The following ELMO1 variants were observed in gnomAD, a reference collection of about 807,000 sequenced individuals.
The protein encoded by ELMO1 is engulfment and cell motility 1.
ELMO1 carries 26 observed loss-of-function variants against 98.9 expected under a neutral mutation model. The ratio of observed to expected loss-of-function variants is 0.26; its 90% CI spans 0.19 to 0.36. The LOEUF (loss-of-function observed/expected upper bound fraction) is 0.36. Among genes scored for constraint, ELMO1 ranks in the 10% least tolerant of loss-of-function variants. ELMO1 has a pLI of 1.00. For synonymous variants in ELMO1, 346 were observed against 346.0 expected, an observed-to-expected ratio of 1.00 and a Z score of 0.00; for missense variants, 627 against 935.2, an observed-to-expected ratio of 0.67 and a Z score of 4.30.
At chr7:37,109,049 C>T (rs763242320) in intron 14 of ELMO1, among the ~76,000 whole-genome samples, 2 of 152,206 alleles carry the variant, frequency 1.3e-5, no homozygotes, top group Non-Finnish European at 2.9e-5. Flanking sequence ...CTTCCTTCTT[C>T]ATCAGGAGGA....
chr7:37,228,289 G>A (rs975989418), intron 8 of ELMO1, among the ~76,000 whole-genome samples: 13 of 152,214 alleles, frequency 8.5e-5, no homozygotes, highest in African/African-American at 2.9e-4. Context: ...TCTACGTCCA[G>A]TTTGAAAACT....
rs530807698 is a variant in ELMO1, at chr7:37,224,918, T to C, written c.662A>G (p.Gln221Arg). ...NSHDLYQKVA[Q>R]EITIGQLIPH... ...AATGAGCTGGCCGATGGTGATCTCC[T>C]GCGCCACTTTCTGGTAGAGGTCATG... The change falls in exon 9 of 22, where the codon CAG becomes CGG. Residue 221 changes from glutamine to arginine, a missense_variant. Coordinates refer to ENST00000310758, the MANE Select transcript of ELMO1 (RefSeq NM_014800.11). 2.5e-6 allele frequency: 4 copies of C among 1,614,130 alleles called. No homozygotes were observed. The East Asian group carries it at 6.7e-5, about 27-fold the overall frequency.
chr7:37,046,909 G>A (rs1337908527), intron 15 of ELMO1, among the ~76,000 whole-genome samples: 10 of 152,194 alleles, frequency 6.6e-5, no homozygotes, highest in Admixed American at 6.5e-5. Context: ...GAAAGGCACT[G>A]GGAGACACTG....
chr7:36,977,808 A>G (rs1790686048), intron 16 of ELMO1, among the ~76,000 whole-genome samples: 4 of 152,210 alleles, frequency 2.6e-5, no homozygotes, highest in Admixed American at 2.6e-4. Flanking sequence ...ACAAGGGCCC[A>G]GTTTTTGAAA....
intron 6 of ELMO1, among the ~76,000 whole-genome samples, chr7:37,247,458 C>T (rs1384040092): frequency 6.6e-6 from 1 of 152,010 alleles, no homozygotes; most frequent in East Asian, 1.9e-4. Flanking sequence ...GGAGCAGGTG[C>T]CATGTGCCCA....
At chr7:37,305,274 C>A (rs1318330124) in intron 4 of ELMO1, among the ~76,000 whole-genome samples, 1 of 152,124 alleles carries the variant, frequency 6.6e-6, no homozygotes, top group African/African-American at 2.4e-5. Context: ...TCTTAGAGGA[C>A]GTTATTTGCT....
At chr7:37,132,712 T>TC (rs1787008804) in intron 14 of ELMO1, among the ~76,000 whole-genome samples, 1 of 152,236 alleles carries the variant, frequency 6.6e-6, no homozygotes, top group Non-Finnish European at 1.5e-5. Context: ...AAGGCATTTC[T>TC]CTGCCTTCCC....
chr7:36,864,328 C>G (rs1802861934), intron 20 of ELMO1, among the ~76,000 whole-genome samples: 1 of 152,104 alleles, frequency 6.6e-6, no homozygotes, highest in Non-Finnish European at 1.5e-5. Context: ...TGACATATAC[C>G]ACTCACGACA....
chr7:37,409,132 G>GAAA (rs34728296), intron 1 of ELMO1, among the ~76,000 whole-genome samples: 29,458 of 138,052 alleles, frequency 0.21, 3,349 homozygotes, highest in South Asian at 0.28. Context: ...TTTTGCAAGT[G>GAAA]AAAAAAAAAA....
chr7:37,287,297 G>C (rs1797442914), intron 4 of ELMO1, among the ~76,000 whole-genome samples: 1 of 152,100 alleles, frequency 6.6e-6, no homozygotes, highest in African/African-American at 2.4e-5. Flanking sequence ...TTTAAGCACT[G>C]CAGGCTAGAA....
At chr7:37,149,055 G>A (rs1788188314) in intron 13 of ELMO1, among the ~76,000 whole-genome samples, 1 of 152,198 alleles carries the variant, frequency 6.6e-6, no homozygotes, top group South Asian at 2.1e-4. Context: ...CTCTGGTGAG[G>A]AACGACCATC....
chr7:37,203,321 G>A (rs1205734085), intron 13 of ELMO1, among the ~76,000 whole-genome samples: 1 of 152,164 alleles, frequency 6.6e-6, no homozygotes, highest in African/African-American at 2.4e-5. Context: ...AAGATGTTAT[G>A]CCCGAAAAAT....
chr7:36,916,187 G>A (rs1784676961), intron 16 of ELMO1, among the ~76,000 whole-genome samples: 1 of 152,264 alleles, frequency 6.6e-6, no homozygotes, highest in Non-Finnish European at 1.5e-5. Flanking sequence ...CCTCCAATAG[G>A]CAGGAGGTTT....
At chr7:37,337,464 C>T (rs868382150) in intron 2 of ELMO1, among the ~76,000 whole-genome samples, 6 of 149,750 alleles carry the variant, frequency 4.0e-5, no homozygotes, top group African/African-American at 1.5e-4. Context: ...TAACAAGGCA[C>T]ATGTATACAT....
At chr7:37,275,313 A>T (rs2130873460) in intron 4 of ELMO1, among the ~76,000 whole-genome samples, 1 of 152,336 alleles carries the variant, frequency 6.6e-6, no homozygotes, top group South Asian at 2.1e-4. Context: ...AAAGTTCCGC[A>T]TTGGCCTCTA....
In ELMO1 at chr7:37,041,645, T is replaced by C. The variant is rs1047756772; in HGVS notation, c.1301-28210A>G. On this transcript the variant is annotated intron_variant, in intron 15 of 21. Coordinates refer to ENST00000310758, the MANE Select transcript of ELMO1 (RefSeq NM_014800.11). ...ATCACATACGTGTAAAATAAATGCA[T>C]AAATTTAAATTGAAGTCACAGCCCC... Among the ~76,000 whole-genome samples, 4 of 151,984 alleles carry C rather than the reference T, an allele frequency of 2.6e-5. No homozygotes were observed. In the South Asian group the frequency reaches 6.2e-4, roughly 24 times the overall value.
At chr7:37,127,284 T>C (rs1028118792) in intron 14 of ELMO1, among the ~76,000 whole-genome samples, 1 of 152,236 alleles carries the variant, frequency 6.6e-6, no homozygotes, top group South Asian at 2.1e-4. Flanking sequence ...CTTCAGAAGA[T>C]CTTTAACTGA....
intron 5 of ELMO1, among the ~76,000 whole-genome samples, chr7:37,260,772 CAGGGAGGAAAACGAG>C (rs1283608129): frequency 5.3e-5 from 8 of 151,992 alleles, no homozygotes; most frequent in African/African-American, 1.9e-4. Context: ...AGGAAAAGAG[CAGGGAGGAAAACGAG>C]AGCCCTCCCT....
At chr7:37,373,524 G>A (rs916345133) in intron 1 of ELMO1, among the ~76,000 whole-genome samples, 15 of 151,940 alleles carry the variant, frequency 9.9e-5, no homozygotes, top group African/African-American at 3.6e-4. Flanking sequence ...CAGGAGAAAA[G>A]GTTGAACCCA....
Sources: allele counts gnomAD v4.1 joint callset (sites outside exome capture counted in the v4.1 genomes callset), GRCh38; gene constraint gnomAD v4.1.1; transcripts MANE v1.5; gene names NCBI Gene and HGNC (gene_info 2026-07-23, HGNC 2026-07-21).